The following PARN variants were observed in gnomAD, a reference collection of about 807,000 sequenced individuals.
PARN encodes the protein poly(A)-specific ribonuclease PARN.
PARN carries 71 observed loss-of-function variants against 102.8 expected under a neutral mutation model. The observed-to-expected ratio is 0.69, with a 90% CI of 0.57 to 0.84. The LOEUF is 0.84. Among genes scored for constraint, PARN ranks in the 40% least tolerant of loss-of-function variants. The pLI is 0.00. For missense variants in PARN, 782 were observed against 760.9 expected (o/e 1.03, Z -0.33); for synonymous variants, 261 against 252.9 (o/e 1.03, Z -0.30).
chr16:14,474,651 C>G (rs1962938108), intron 22 of PARN, among the ~76,000 whole-genome samples: 1 of 152,166 alleles, frequency 6.6e-6, no homozygotes, highest in African/African-American at 2.4e-5. Context: ...TGGGTATTTA[C>G]TGAAGGGAAG....
intron 12 of PARN, among the ~76,000 whole-genome samples, chr16:14,599,388 A>AT (rs1358914631): frequency 2.6e-5 from 4 of 152,106 alleles, no homozygotes; most frequent in Non-Finnish European, 5.9e-5. Flanking sequence ...AACACCCATC[A>AT]TATCTATCAT....
chr16:14,501,082 CT>C (rs1222474355), intron 21 of PARN, among the ~76,000 whole-genome samples: 2 of 151,784 alleles, frequency 1.3e-5, no homozygotes, highest in African/African-American at 4.8e-5. Context: ...AACTAATTCC[CT>C]TGAGGACATG....
intron 11 of PARN, among the ~76,000 whole-genome samples, chr16:14,600,229 C>G (rs1010670596): frequency 6.6e-6 from 1 of 152,184 alleles, no homozygotes; most frequent in Non-Finnish European, 1.5e-5. Context: ...CATCACTTCA[C>G]CGACTTCTTT....
chr16:14,574,054 C>T (rs1197857198), intron 18 of PARN, among the ~76,000 whole-genome samples: 4 of 152,122 alleles, frequency 2.6e-5, no homozygotes, highest in African/African-American at 4.8e-5. Context: ...CAGAAGAAGA[C>T]AGAAAAATGT....
chr16:14,604,149 T>C lies in PARN; in HGVS notation c.780A>G (p.Glu260=). The change falls in exon 11 of 24, where the codon GAA becomes GAG. Residue 260 remains glutamate (E), a synonymous_variant. Coordinates refer to ENST00000437198, the MANE Select transcript of PARN (RefSeq NM_002582.4). The part of the protein sequence containing the change: ...KRREQQKHAK[E]QEELNDAVGF... ...AGAATTAACATAGCCCAATTACCTGTTCTTTGGCATGTTTCTGCTGCTCTC... is the reference window on the plus strand; with the variant it reads ...AGAATTAACATAGCCCAATTACCTGCTCTTTGGCATGTTTCTGCTGCTCTC... 6.3e-7 allele frequency: 1 copy of C among 1,591,492 alleles called. No homozygotes were observed. The highest frequency in any genetic ancestry group is 8.6e-7 in the Non-Finnish European group (1 of 1,164,112).
intron 13 of PARN, among the ~76,000 whole-genome samples, chr16:14,586,817 G>C (rs1234714845): frequency 6.6e-6 from 1 of 152,154 alleles, no homozygotes; most frequent in East Asian, 1.9e-4. Flanking sequence ...AACTAGCTTA[G>C]ACCTTTCCTG....
chr16:14,497,709 G>T (rs905145679), intron 21 of PARN, among the ~76,000 whole-genome samples: 4 of 152,142 alleles, frequency 2.6e-5, no homozygotes, highest in African/African-American at 9.7e-5. Flanking sequence ...TAGTCTGTTT[G>T]TGTATAAGCT....
chr16:14,596,394 T>TA (rs1001383423), intron 12 of PARN, among the ~76,000 whole-genome samples: 9 of 151,540 alleles, frequency 5.9e-5, no homozygotes, highest in African/African-American at 1.7e-4. Flanking sequence ...TACTAATAAT[T>TA]AAAAAAAATC....
intron 18 of PARN, among the ~76,000 whole-genome samples, chr16:14,571,326 C>T (rs1385848949): frequency 6.7e-6 from 1 of 149,254 alleles, no homozygotes; most frequent in East Asian, 2.0e-4. Context: ...CACTGCACTC[C>T]AGCCTGGGCT....
intron 21 of PARN, among the ~76,000 whole-genome samples, chr16:14,520,178 G>A (rs1262004859): frequency 1.3e-5 from 2 of 152,170 alleles, no homozygotes; most frequent in East Asian, 3.8e-4. Context: ...GCTACAGGAC[G>A]AATAACCTTG....
intron 5 of PARN, among the ~76,000 whole-genome samples, chr16:14,624,609 T>C (rs1266062911): frequency 3.9e-5 from 6 of 152,216 alleles, no homozygotes; most frequent in African/African-American, 1.4e-4. Flanking sequence ...ACCAGTTTTG[T>C]CTTGGTTGTT....
intron 21 of PARN, among the ~76,000 whole-genome samples, chr16:14,484,146 C>T (rs1257343027): frequency 6.6e-6 from 1 of 152,228 alleles, no homozygotes; most frequent in Non-Finnish European, 1.5e-5. Context: ...TGCTAATTCT[C>T]CGTAATGCGC....
chr16:14,596,572 C>A (rs1488481207), intron 12 of PARN, among the ~76,000 whole-genome samples: 1 of 150,654 alleles, frequency 6.6e-6, no homozygotes, highest in Non-Finnish European at 1.5e-5. Flanking sequence ...CCCTTCTCCA[C>A]AAAAAAAATA....
At chr16:14,623,742 C>G (rs1972466952) in intron 5 of PARN, among the ~76,000 whole-genome samples, 1 of 149,790 alleles carries the variant, frequency 6.7e-6, no homozygotes, top group Non-Finnish European at 1.5e-5. Flanking sequence ...GAGGCTGAGA[C>G]AAGAGAATTG....
At position 14,599,943 on chromosome 16, in the gene PARN, A is replaced by G. The variant is rs1596812524; in HGVS notation, c.801T>C (p.Ala267=). The G allele has an allele frequency of 1.3e-6, 2 of 1,595,940 alleles. No individual in the cohort carries two copies. Among genetic ancestry groups the G allele is most frequent in the Non-Finnish European group, 1.7e-6 (2 of 1,167,162 alleles). ...HAKEQEELND[A]VGFSRVIHAI... ...CGTGAATGACTCTAGAAAATCCCAC[A>G]GCATCATTCAGCTCCTCCTAATTAA... Residue 267 remains alanine, a synonymous_variant, in exon 12 of 24, where the codon GCT becomes GCC. Transcript: ENST00000437198.
Position 14,629,651 on chromosome 16 carries a change from C to T in PARN, c.43G>A (p.Val15Met), listed in dbSNP as rs767866184. 9 of 1,613,204 alleles carry T rather than the reference C, an allele frequency of 5.6e-6. No homozygotes were observed. The highest frequency in any genetic ancestry group is 7.6e-6 in the Non-Finnish European group (9 of 1,179,236). ...TCGGCCTCCTCTATGGCCTGGTACA[C>T]TTTGTGAAGATTACTCTTAAAATCT... is the stretch of plus-strand genomic sequence containing the variant. ...RSNFKSNLHK[V>M]YQAIEEADFF... The change falls in exon 2 of 24, where the codon GTG becomes ATG. Residue 15 changes from valine to methionine, a missense_variant. Coordinates refer to ENST00000437198, the MANE Select transcript of PARN (RefSeq NM_002582.4).
intron 23 of PARN, 61 bp from the exon 24 acceptor site, chr16:14,436,833 A>G: frequency 8.1e-7 from 1 of 1,228,748 alleles, no homozygotes; most frequent in South Asian, 1.3e-5. Flanking sequence ...TGAGGAGAGC[A>G]TGACATGACC....
chr16:14,461,471 C>CAG (rs1345898424), intron 22 of PARN, among the ~76,000 whole-genome samples: 1 of 152,160 alleles, frequency 6.6e-6, no homozygotes, highest in Non-Finnish European at 1.5e-5. Flanking sequence ...AATCAGCTTC[C>CAG]AGTGGGTTAT....
At chr16:14,443,021 T>A (rs1961015285) in intron 23 of PARN, among the ~76,000 whole-genome samples, 1 of 152,338 alleles carries the variant, frequency 6.6e-6, no homozygotes, top group South Asian at 2.1e-4. Context: ...TTCCCCAGCC[T>A]CCCACATGTC....
Sources: gnomAD v4.1 joint callset for allele counts (sites outside exome capture counted in the v4.1 genomes callset) on GRCh38, gnomAD v4.1.1 for gene constraint, MANE v1.5 for transcripts, NCBI Gene and HGNC (gene_info 2026-07-23, HGNC 2026-07-21) for gene names.